Variants in APBB1IP observed in about 807,000 individuals in gnomAD.
APBB1IP encodes amyloid beta precursor protein binding family B member 1 interacting protein, also known as amyloid beta A4 precursor protein-binding family B member 1-interacting protein.
A neutral mutation model predicts 64.9 loss-of-function variants in APBB1IP; 27 were observed. The observed-to-expected ratio is 0.42, with a 90% CI of 0.31 to 0.57. The LOEUF (loss-of-function observed/expected upper bound fraction) is 0.57. Among genes scored for constraint, APBB1IP ranks in the 20% least tolerant of loss-of-function variants. APBB1IP has a pLI of 0.20. For missense variants in APBB1IP, 812 were observed against 845.5 expected, an observed-to-expected ratio of 0.96 and a Z score of 0.49; for synonymous variants, 392 against 331.0, an observed-to-expected ratio of 1.18 and a Z score of -2.00.
chr10:26,524,761 T>A (rs1226146605), intron 8 of APBB1IP, among the ~76,000 whole-genome samples: 2 of 151,936 alleles, frequency 1.3e-5, no homozygotes, highest in Non-Finnish European at 2.9e-5. Context: ...GATAAGGAGG[T>A]CTGCTGTCTC....
intron 14 of APBB1IP, among the ~76,000 whole-genome samples, chr10:26,564,529 A>G (rs1753337): frequency 0.98 from 149,494 of 152,336 alleles, 73,356 homozygotes; most frequent in East Asian, 1. Flanking sequence ...CTGTCCAGAC[A>G]TAGTGGCTCA....
At chr10:26,499,064 G>A (rs925208652) in intron 4 of APBB1IP, among the ~76,000 whole-genome samples, 9 of 152,082 alleles carry the variant, frequency 5.9e-5, no homozygotes, top group Non-Finnish European at 1.2e-4. Context: ...AGGAGTTTGA[G>A]ACAAGTCTGG....
chr10:26,501,097 G>A lies in APBB1IP; in HGVS notation c.439G>A (p.Glu147Lys), dbSNP rs922350003. The stretch of plus-strand genomic sequence containing the variant: ...CCTTCCACTGCCACCACCACCTCCT[G>A]AACCTCTCTCTCAGGTAAGTATGTG... ...LDLPLPPPPP[E>K]PLSQEEEEAQ... Residue 147 changes from glutamate to lysine, a missense_variant, in exon 5 of 15, where the codon GAA becomes AAA. Transcript: ENST00000376236. 4 of 1,614,136 alleles carry A rather than the reference G, an allele frequency of 2.5e-6. No homozygotes were observed. Among genetic ancestry groups the A allele is most frequent in the Non-Finnish European group, 3.4e-6 (4 of 1,180,012 alleles).
At chr10:26,506,944 G>A (rs923381767) in intron 6 of APBB1IP, among the ~76,000 whole-genome samples, 1 of 152,170 alleles carries the variant, frequency 6.6e-6, no homozygotes, top group African/African-American at 2.4e-5. Context: ...GGAGGCCTCC[G>A]GCCAGAAGCA....
At position 26,562,310 on chromosome 10, in the gene APBB1IP, A is replaced by T; in HGVS notation, c.1370-16A>T. The T allele has an allele frequency of 6.3e-7, 1 of 1,586,032 alleles. No individual in the cohort carries two copies. Among genetic ancestry groups the T allele is most frequent in the Non-Finnish European group, 8.7e-7 (1 of 1,155,606 alleles). On this transcript the variant is annotated splice_polypyrimidine_tract_variant and intron_variant, in intron 13 of 14. Coordinates refer to ENST00000376236, the MANE Select transcript of APBB1IP (RefSeq NM_019043.4). ...ATGCTTTGCTCACTCTTCTTTTCTC[A>T]CTTCTTCCCTCTCAGGACCTAAAAC...
intron 2 of APBB1IP, among the ~76,000 whole-genome samples, chr10:26,464,781 G>C (rs1483517472): frequency 6.6e-6 from 1 of 152,114 alleles, no homozygotes; most frequent in Non-Finnish European, 1.5e-5. Context: ...AGTTAAGTAA[G>C]TTACTCAACA....
rs186196233 is a variant in APBB1IP at position 26,446,867 on chromosome 10, T to G, written c.-1+8014T>G. On this transcript the variant is annotated intron_variant, in intron 2 of 14. Coordinates refer to ENST00000376236, the MANE Select transcript of APBB1IP (RefSeq NM_019043.4). ...AGAGCAAAACCTGTAGATAGATAGA[T>G]AGATAGAGAGAGAGATAGATAGAAA... Among the ~76,000 whole-genome samples, 31 of 127,308 alleles carry G rather than the reference T, an allele frequency of 2.4e-4. No homozygotes were observed. The East Asian group carries it at 2.7e-3, about 11-fold the overall frequency. 83.5% of individuals were successfully genotyped at this position (127,308 alleles called of 152,430 possible).
rs1179687481 is a variant in APBB1IP at position 26,533,542 on chromosome 10, A to G, written c.900+17A>G. On this transcript the variant is annotated intron_variant, in intron 9 of 14. Coordinates refer to ENST00000376236, the MANE Select transcript of APBB1IP (RefSeq NM_019043.4). ...TTACTTGAGGTAAGGTTAATTTTGC[A>G]GAGTGGAAGAAAAGAGAAGGACGTT... 5.2e-6 allele frequency: 8 copies of G among 1,533,368 alleles called. No homozygotes were observed. The highest frequency in any genetic ancestry group is 7.1e-6 in the Non-Finnish European group (8 of 1,129,776). The allele number at this position is 1,533,368 out of a possible 1,614,324, so 95.0% of individuals were successfully genotyped here. A position where few individuals can be genotyped will look rare whatever the true frequency, so the allele number is the denominator to read the frequency against.
intron 11 of APBB1IP, among the ~76,000 whole-genome samples, chr10:26,559,653 G>A (rs1475464224): frequency 2.9e-5 from 4 of 136,252 alleles, no homozygotes; most frequent in African/African-American, 8.3e-5. Context: ...ACAGAGTCTT[G>A]GTCTATCACC....
intron 9 of APBB1IP, among the ~76,000 whole-genome samples, chr10:26,535,189 T>A (rs930525085): frequency 6.6e-6 from 1 of 152,168 alleles, no homozygotes; most frequent in Non-Finnish European, 1.5e-5. Flanking sequence ...TTTAAAAATC[T>A]ACAACTAGAA....
At chr10:26,450,882 GACAAGGTATC>G (rs1835457779) in intron 2 of APBB1IP, among the ~76,000 whole-genome samples, 1 of 152,060 alleles carries the variant, frequency 6.6e-6, no homozygotes, top group Admixed American at 6.6e-5. Context: ...TTTTAGTAGA[GACAAGGTATC>G]ACTATATTGG....
At chr10:26,452,998 T>C (rs920944059) in intron 2 of APBB1IP, among the ~76,000 whole-genome samples, 2 of 152,252 alleles carry the variant, frequency 1.3e-5, no homozygotes, top group Non-Finnish European at 2.9e-5. Flanking sequence ...ATTCTTATTA[T>C]GCATTAATAC....
At chr10:26,504,194 A>C (rs1836140715) in intron 6 of APBB1IP, among the ~76,000 whole-genome samples, 1 of 152,208 alleles carries the variant, frequency 6.6e-6, no homozygotes, top group Non-Finnish European at 1.5e-5. Flanking sequence ...CTAGATGTCC[A>C]AGTTATATCC....
In APBB1IP at chr10:26,441,496, C is replaced by T. The variant is rs530303187; in HGVS notation, c.-1+2643C>T. On this transcript the variant is annotated intron_variant, in intron 2 of 14. Transcript: ENST00000376236. ...GCTTTTGGGGGACTAGAGGATGTGA[C>T]CTGCCACCACTGCATCATCATTTCC... is the stretch of plus-strand genomic sequence containing the variant. 2.6e-5 allele frequency among the ~76,000 whole-genome samples: 4 copies of T among 152,274 alleles called. No individual in the cohort carries two copies. The East Asian group carries it at 7.7e-4, about 29-fold the overall frequency.
At chr10:26,501,507 G>A (rs1836099613) in intron 5 of APBB1IP, 2 of 282,952 alleles carry the variant, frequency 7.1e-6, no homozygotes, top group Non-Finnish European at 1.3e-5. Flanking sequence ...TTTCTGAGTA[G>A]AGTGAAATTG....
chr10:26,548,984 T>C (rs1836800083), intron 11 of APBB1IP, among the ~76,000 whole-genome samples: 1 of 152,234 alleles, frequency 6.6e-6, no homozygotes, highest in South Asian at 2.1e-4. Context: ...GGGTTTAACA[T>C]ATATAAACTT....
intron 2 of APBB1IP, among the ~76,000 whole-genome samples, chr10:26,491,707 G>T (rs1293032794): frequency 2.0e-5 from 3 of 146,960 alleles, no homozygotes; most frequent in Non-Finnish European, 3.0e-5. Context: ...TTGAAAGCAG[G>T]GAATTATTGG....
intron 8 of APBB1IP, among the ~76,000 whole-genome samples, chr10:26,520,155 T>G (rs1836385479): frequency 6.6e-6 from 1 of 152,226 alleles, no homozygotes; most frequent in Non-Finnish European, 1.5e-5. Flanking sequence ...GAGCTCAGCT[T>G]GCTCTTGCTG....
intron 8 of APBB1IP, among the ~76,000 whole-genome samples, chr10:26,518,705 G>C (rs1217929672): frequency 1.3e-5 from 2 of 152,134 alleles, no homozygotes; most frequent in African/African-American, 4.8e-5. Flanking sequence ...TTATCCATTT[G>C]AATACCCACT....
Sources: gnomAD v4.1 joint callset for allele counts (sites outside exome capture counted in the v4.1 genomes callset) on GRCh38, gnomAD v4.1.1 for gene constraint, MANE v1.5 for transcripts, NCBI Gene and HGNC (gene_info 2026-07-23, HGNC 2026-07-21) for gene names.